The following NAALADL2 variants were observed in gnomAD, a reference collection of about 807,000 sequenced individuals.
The protein encoded by NAALADL2 is inactive N-acetylated-alpha-linked acidic dipeptidase-like protein 2.
NAALADL2 carries 76 observed loss-of-function variants against 87.2 expected under a neutral mutation model. That is an observed-to-expected ratio of 0.87 (90% CI 0.72 to 1.05). The LOEUF (loss-of-function observed/expected upper bound fraction) is 1.05, where lower values mean the gene tolerates loss of function less well. Ranked by LOEUF, NAALADL2 falls within the 50% of genes least tolerant of loss-of-function variation. The pLI is 0.00. For missense variants in NAALADL2, 1,089 were observed against 945.8 expected (o/e 1.15, Z -1.99); for synonymous variants, 354 against 331.0 (o/e 1.07, Z -0.75).
At chr3:175,658,255 G>A (rs1461578973) in intron 11 of NAALADL2, among the ~76,000 whole-genome samples, 2 of 152,046 alleles carry the variant, frequency 1.3e-5, no homozygotes, top group African/African-American at 2.4e-5. Context: ...ACATGCAATG[G>A]TTGCTATGGG....
intron 2 of NAALADL2, among the ~76,000 whole-genome samples, chr3:174,707,495 A>G (rs1730200345): frequency 6.6e-6 from 1 of 152,116 alleles, no homozygotes; most frequent in South Asian, 2.1e-4. Flanking sequence ...TGTCCTTTGT[A>G]GCGACATGGA....
At chr3:175,498,765 C>T (rs577035127) in intron 9 of NAALADL2, among the ~76,000 whole-genome samples, 1 of 151,952 alleles carries the variant, frequency 6.6e-6, no homozygotes, top group East Asian at 1.9e-4. Flanking sequence ...TGTTTTCCCC[C>T]AAAGATTCAC....
chr3:175,107,137 T>G (rs1165340980), intron 2 of NAALADL2, among the ~76,000 whole-genome samples: 2 of 152,058 alleles, frequency 1.3e-5, no homozygotes, highest in Non-Finnish European at 2.9e-5. Flanking sequence ...ATGTTTAATT[T>G]TATGTAGCAA....
At chr3:174,770,994 A>G (rs1016571422) in intron 3 of NAALADL2, among the ~76,000 whole-genome samples, 1 of 152,228 alleles carries the variant, frequency 6.6e-6, no homozygotes, top group Admixed American at 6.5e-5. Context: ...GTTAAAAGAT[A>G]ATAATTGATA....
chr3:175,141,682 A>T (rs892378055), intron 2 of NAALADL2, among the ~76,000 whole-genome samples: 6 of 152,108 alleles, frequency 3.9e-5, no homozygotes, highest in Non-Finnish European at 8.8e-5. Flanking sequence ...ACTTATACAG[A>T]TTGATCTGAG....
chr3:174,834,390 G>A (rs984322233), intron 3 of NAALADL2, among the ~76,000 whole-genome samples: 7 of 147,922 alleles, frequency 4.7e-5, no homozygotes, highest in African/African-American at 1.8e-4. Context: ...CACAAGATTG[G>A]GAATAGGACA....
At chr3:174,529,228 C>T (rs987068934) in intron 1 of NAALADL2, among the ~76,000 whole-genome samples, 1 of 152,194 alleles carries the variant, frequency 6.6e-6, no homozygotes. Flanking sequence ...CATGCAAGTC[C>T]GAAATCCACT....
At chr3:175,517,953 A>G (rs2149410119) in intron 9 of NAALADL2, among the ~76,000 whole-genome samples, 1 of 152,246 alleles carries the variant, frequency 6.6e-6, no homozygotes, top group Non-Finnish European at 1.5e-5. Flanking sequence ...TAATCTTGTT[A>G]TGGAAATGGG....
At chr3:175,412,558 A>G (rs1223309779) in intron 5 of NAALADL2, among the ~76,000 whole-genome samples, 1 of 152,156 alleles carries the variant, frequency 6.6e-6, no homozygotes, top group Non-Finnish European at 1.5e-5. Context: ...AAATGAGCAG[A>G]TTTACATATC....
chr3:175,610,503 T>G (rs575426304), intron 10 of NAALADL2, among the ~76,000 whole-genome samples: 1 of 152,158 alleles, frequency 6.6e-6, no homozygotes, highest in Non-Finnish European at 1.5e-5. Flanking sequence ...ATTCTCAGGA[T>G]CTTAAGCCAT....
Position 175,396,333 on chromosome 3 carries a change from T to TA in NAALADL2, c.1091-50891dup, listed in dbSNP as rs201383923. 3.6e-4 allele frequency among the ~76,000 whole-genome samples: 55 copies of TA among 152,262 alleles called. 1 individual carries two copies. In the East Asian group the frequency reaches 0.01, roughly 28 times the overall value. On this transcript the variant is annotated intron_variant, in intron 5 of 13. Coordinates refer to ENST00000454872, the MANE Select transcript of NAALADL2 (RefSeq NM_207015.3). ...ACTGATTTTAATTTAAAAACCAGAT[T>TA]AAAAATTAAAACCATATTAAAAATG...
At chr3:175,257,811 A>T (rs190832037) in intron 4 of NAALADL2, among the ~76,000 whole-genome samples, 148 of 152,308 alleles carry the variant, frequency 9.7e-4, no homozygotes, top group African/African-American at 3.4e-3. Flanking sequence ...AATAATTACA[A>T]TACTAGTGAT....
chr3:175,648,887 T>C (rs192739593), intron 11 of NAALADL2, among the ~76,000 whole-genome samples: 1 of 152,346 alleles, frequency 6.6e-6, no homozygotes, highest in East Asian at 1.9e-4. Flanking sequence ...GTCTTCTCTC[T>C]TCATACCTTC....
Position 175,805,991 on chromosome 3 carries a change from T to C in NAALADL2, c.*2788T>C, listed in dbSNP as rs1754672133. The stretch of plus-strand genomic sequence containing the variant: ...AAGTGAGTAAGAAACTTGGACATAG[T>C]CATGTATTTAGTTAGTAACAAAAGC... On this transcript the variant is annotated 3_prime_UTR_variant, in exon 14 of 14. Coordinates refer to ENST00000454872, the MANE Select transcript of NAALADL2 (RefSeq NM_207015.3). 1.3e-5 allele frequency: 2 copies of C among 151,898 alleles called. No homozygotes were observed. Among genetic ancestry groups the C allele is most frequent in the Admixed American group, 1.3e-4 (2 of 15,206 alleles). The allele number at this position is 151,898 out of a possible 1,614,324, so 9.4% of individuals were successfully genotyped here.
At chr3:175,371,295 A>C (rs2148949997) in intron 5 of NAALADL2, among the ~76,000 whole-genome samples, 1 of 152,016 alleles carries the variant, frequency 6.6e-6, no homozygotes, top group East Asian at 2.0e-4. Flanking sequence ...GAGACGGAGT[A>C]CTCGCTCTTT....
intron 1 of NAALADL2, among the ~76,000 whole-genome samples, chr3:174,468,761 TC>T (rs1391618502): frequency 6.7e-6 from 1 of 150,370 alleles, no homozygotes; most frequent in Non-Finnish European, 1.5e-5. Flanking sequence ...ATAACTATAT[TC>T]TTTTTTTTTT....
chr3:175,483,407 T>C (rs1334509154), intron 9 of NAALADL2, among the ~76,000 whole-genome samples: 1 of 151,748 alleles, frequency 6.6e-6, no homozygotes, highest in Non-Finnish European at 1.5e-5. Flanking sequence ...TGCTAATATT[T>C]TTTTCTTATT....
chr3:175,173,774 C>G (rs2108932217), intron 2 of NAALADL2, among the ~76,000 whole-genome samples: 1 of 152,266 alleles, frequency 6.6e-6, no homozygotes, highest in African/African-American at 2.4e-5. Context: ...AAGTTGCATC[C>G]ATCTTTCTGT....
chr3:175,740,542 C>G (rs1745083762), intron 12 of NAALADL2, among the ~76,000 whole-genome samples: 1 of 152,150 alleles, frequency 6.6e-6, no homozygotes, highest in South Asian at 2.1e-4. Flanking sequence ...TCAACAGACC[C>G]AGACTTGGGA....
Sources: allele counts gnomAD v4.1 joint callset (sites outside exome capture counted in the v4.1 genomes callset), GRCh38; gene constraint gnomAD v4.1.1; transcripts MANE v1.5; gene names NCBI Gene and HGNC (gene_info 2026-07-23, HGNC 2026-07-21).